Variants in FAM193A observed in about 807,000 individuals in gnomAD.
The protein encoded by FAM193A is family with sequence similarity 193 member A.
A neutral mutation model predicts 126.5 loss-of-function variants in FAM193A; 22 were observed. That is an observed-to-expected ratio of 0.17 (90% confidence interval 0.12 to 0.25). FAM193A has a LOEUF of 0.25. FAM193A is among the 10% of genes least tolerant of loss of function. The pLI is 1.00. For synonymous variants in FAM193A, 761 were observed against 646.8 expected, an observed-to-expected ratio of 1.18 and a Z score of -2.68; for missense variants, 1,675 against 1,672.8, an observed-to-expected ratio of 1.00 and a Z score of -0.02.
At chr4:2,633,823 G>A (rs1248009657) in intron 5 of FAM193A, among the ~76,000 whole-genome samples, 4 of 152,168 alleles carry the variant, frequency 2.6e-5, no homozygotes, top group African/African-American at 9.7e-5. Flanking sequence ...AACCTGGGAG[G>A]TGGAGGTTGC....
chr4:2,630,113 C>G (rs1165296398), intron 4 of FAM193A, among the ~76,000 whole-genome samples: 1 of 144,354 alleles, frequency 6.9e-6, no homozygotes, highest in Non-Finnish European at 1.5e-5. Context: ...GCCTGGGCGA[C>G]AGAGTGAGAC....
At chr4:2,537,480 C>T (rs1213529181) in intron 1 of FAM193A, among the ~76,000 whole-genome samples, 1 of 152,204 alleles carries the variant, frequency 6.6e-6, no homozygotes, top group African/African-American at 2.4e-5. Flanking sequence ...AGCCCCTCAA[C>T]GGGCGGGGAC....
At chr4:2,659,426 A>G in intron 8 of FAM193A, 132 bp from the exon 9 acceptor site, 1 of 669,742 alleles carries the variant, frequency 1.5e-6, no homozygotes, top group South Asian at 1.8e-5. Context: ...CTGCCCCTGT[A>G]TTCCTGGTCC....
intron 19 of FAM193A, among the ~76,000 whole-genome samples, chr4:2,703,801 T>TAA (rs34569439): frequency 0.39 from 50,419 of 128,690 alleles, 9,924 homozygotes; most frequent in Admixed American, 0.55. Flanking sequence ...CCATCTCTAC[T>TAA]AAAAAAAAAA....
At chr4:2,713,288 C>T (rs1345013435) in intron 19 of FAM193A, among the ~76,000 whole-genome samples, 1 of 151,212 alleles carries the variant, frequency 6.6e-6, no homozygotes, top group Non-Finnish European at 1.5e-5. Flanking sequence ...CACCTGTAGT[C>T]CCAGCTACTC....
At chr4:2,550,252 G>A (rs1363371287) in intron 1 of FAM193A, among the ~76,000 whole-genome samples, 2 of 151,726 alleles carry the variant, frequency 1.3e-5, no homozygotes, top group Non-Finnish European at 2.9e-5. Flanking sequence ...CGTCACGTTG[G>A]CCAGGCTGAT....
intron 13 of FAM193A, among the ~76,000 whole-genome samples, chr4:2,679,473 G>A (rs576261013): frequency 2.6e-4 from 37 of 144,198 alleles, no homozygotes; most frequent in African/African-American, 8.5e-4. Context: ...TCTGCCTCCC[G>A]GGTTCATGTG....
Position 2,689,618 on chromosome 4 carries a change from G to A in FAM193A, c.2444G>A (p.Ser815Asn). The A allele has an allele frequency of 6.4e-7, 1 of 1,572,630 alleles. No homozygotes were observed. Among genetic ancestry groups the A allele is most frequent in the East Asian group, 2.3e-5 (1 of 42,554 alleles). The change falls in exon 14 of 21, where the codon AGT becomes AAT. Residue 815 changes from serine to asparagine, a missense_variant. Ser to Asn is a conservative substitution (Grantham distance 46). Coordinates refer to ENST00000637812, the MANE Select transcript of FAM193A (RefSeq NM_001366318.2). Reference protein sequence around the residue: ...SCFGNTPEWNSSKFISLWGSE... With the variant: ...SCFGNTPEWNNSKFISLWGSE... ...TTTGGGAATACTCCAGAGTGGAATA[G>A]TTCTAAATTTATAAGTCTTTGGGGA...
intron 1 of FAM193A, among the ~76,000 whole-genome samples, chr4:2,560,000 C>G (rs1410258232): frequency 6.6e-6 from 1 of 151,744 alleles, no homozygotes; most frequent in Non-Finnish European, 1.5e-5. Context: ...CTCTTGTTGC[C>G]CAGGCTGGAG....
Position 2,544,062 on chromosome 4 carries a change from C to T in FAM193A, c.255+6892C>T, listed in dbSNP as rs1212268501. The stretch of plus-strand genomic sequence containing the variant: ...CACGGTGAAATTAGGTTATCATTAA[C>T]TCTAGTTCATATTTGCCTAGTGACC... On this transcript the variant is annotated intron_variant, in intron 1 of 20. Coordinates refer to ENST00000637812, the MANE Select transcript of FAM193A (RefSeq NM_001366318.2). Among the ~76,000 whole-genome samples the T allele has an allele frequency of 2.0e-5, 3 of 152,000 alleles. No homozygotes were observed. The East Asian group carries it at 5.8e-4, about 29-fold the overall frequency.
intron 20 of FAM193A, among the ~76,000 whole-genome samples, chr4:2,725,305 C>T (rs1408814821): frequency 6.6e-6 from 1 of 151,806 alleles, no homozygotes; most frequent in Non-Finnish European, 1.5e-5. Context: ...ATCAGCTGGG[C>T]ATGGTGGCAC....
At chr4:2,581,053 C>T (rs1211123425) in intron 1 of FAM193A, among the ~76,000 whole-genome samples, 2 of 151,314 alleles carry the variant, frequency 1.3e-5, no homozygotes, top group Non-Finnish European at 2.9e-5. Flanking sequence ...GGCGTGAACC[C>T]GGGAGGCGGA....
At chr4:2,607,439 A>T (rs1214455715) in intron 2 of FAM193A, among the ~76,000 whole-genome samples, 2 of 152,158 alleles carry the variant, frequency 1.3e-5, no homozygotes, top group Non-Finnish European at 2.9e-5. Flanking sequence ...ATTTGAAAAT[A>T]GTTTTGACTC....
intron 19 of FAM193A, among the ~76,000 whole-genome samples, chr4:2,705,727 CT>C (rs1248290610): frequency 6.6e-6 from 1 of 151,082 alleles, no homozygotes; most frequent in Non-Finnish European, 1.5e-5. Flanking sequence ...GTAGCTGGGA[CT>C]ACAGGCACGT....
chr4:2,559,629 C>T (rs993280374), intron 1 of FAM193A, among the ~76,000 whole-genome samples: 4 of 152,134 alleles, frequency 2.6e-5, no homozygotes, highest in African/African-American at 9.7e-5. Context: ...TTACTCTCGC[C>T]GTAGTCTACT....
intron 20 of FAM193A, 119 bp from the exon 21 acceptor site, chr4:2,731,656 T>A: frequency 1.3e-6 from 1 of 749,774 alleles, no homozygotes; most frequent in Non-Finnish European, 2.3e-6. Flanking sequence ...ACCGAGAATC[T>A]AAACCCCTGA....
At chr4:2,687,355 T>C (rs1715861817) in intron 13 of FAM193A, among the ~76,000 whole-genome samples, 2 of 152,180 alleles carry the variant, frequency 1.3e-5, no homozygotes, top group Admixed American at 1.3e-4. Context: ...GGCAGTGTGC[T>C]CAACTCTTAC....
At chr4:2,594,120 CAT>C (rs570781585) in intron 1 of FAM193A, among the ~76,000 whole-genome samples, 56 of 152,264 alleles carry the variant, frequency 3.7e-4, no homozygotes, top group East Asian at 1.4e-3. Context: ...TTCATGGAAA[CAT>C]GTGAGAATAT....
intron 1 of FAM193A, among the ~76,000 whole-genome samples, chr4:2,590,139 A>AG (rs571199345): frequency 1.3e-5 from 2 of 149,882 alleles, no homozygotes; most frequent in Non-Finnish European, 3.0e-5. Flanking sequence ...TGTCTCAAAA[A>AG]AAAAAAAAAA....
Sources: allele counts gnomAD v4.1 joint callset (sites outside exome capture counted in the v4.1 genomes callset), GRCh38; gene constraint gnomAD v4.1.1; transcripts MANE v1.5; gene names NCBI Gene and HGNC (gene_info 2026-07-23, HGNC 2026-07-21).